Variants in WDSUB1 observed in about 807,000 individuals in gnomAD.
WDSUB1 encodes WD repeat, sterile alpha motif and U-box domain containing 1, also known as WD repeat, SAM and U-box domain-containing protein 1.
WDSUB1 carries 49 observed loss-of-function variants against 53.9 expected under a neutral mutation model. The ratio of observed to expected loss-of-function variants is 0.91; its 90% confidence interval spans 0.72 to 1.15. The LOEUF is 1.15. Among genes scored for constraint, WDSUB1 ranks in the 50% most tolerant of loss-of-function variants. The probability of loss-of-function intolerance (pLI) is 0.00; values close to 1 mark genes in which losing one functional copy is unlikely to be tolerated. For missense variants in WDSUB1, 514 were observed against 562.0 expected (o/e 0.91, Z 0.86); for synonymous variants, 194 against 200.6 (o/e 0.97, Z 0.28).
chr2:159,282,472 G>A (rs752491951), intron 2 of WDSUB1, among the ~76,000 whole-genome samples, 200 bp downstream of exon 2: 3 of 152,200 alleles, frequency 2.0e-5, no homozygotes, highest in Non-Finnish European at 4.4e-5. Context: ...GATTACACGC[G>A]TGAGCCACAG....
In WDSUB1 at chr2:159,257,862, T is replaced by C. The variant is rs755599493; in HGVS notation, c.848A>G (p.Tyr283Cys). 1.9e-6 allele frequency: 3 copies of C among 1,613,686 alleles called. No individual in the cohort carries two copies. The highest frequency in any genetic ancestry group is 2.7e-5 in the African/African-American group (2 of 74,932). ...ILHTLTQHTR[Y>C]VTTCAFAPNT... ...AGGTGCAAAAGCACAAGTTGTGACA[T>C]ACCTAGTTAATAAAAACAACTATTA... The change falls in exon 8 of 11, where the codon TAT becomes TGT. Residue 283 changes from tyrosine to cysteine, a missense_variant and splice_region_variant. Coordinates refer to ENST00000359774, the MANE Select transcript of WDSUB1 (RefSeq NM_001128212.3).
At chr2:159,271,208 A>G (rs1458050475) in intron 5 of WDSUB1, among the ~76,000 whole-genome samples, 1 of 152,240 alleles carries the variant, frequency 6.6e-6, no homozygotes, top group East Asian at 1.9e-4. Context: ...CTATGTACTT[A>G]TCTTACAGAA....
At chr2:159,265,447 C>A (rs550456015) in intron 5 of WDSUB1, among the ~76,000 whole-genome samples, 1 of 152,204 alleles carries the variant, frequency 6.6e-6, no homozygotes, top group East Asian at 1.9e-4. Flanking sequence ...CAAAGACTGA[C>A]CCGGCTAGGT....
rs376051242 is a variant in WDSUB1, at chr2:159,284,532, A to G, written c.-24-1439T>C. Among the ~76,000 whole-genome samples, 13 of 152,360 alleles carry G rather than the reference A, an allele frequency of 8.5e-5. No homozygotes were observed. The South Asian group carries it at 2.5e-3, about 29-fold the overall frequency. ...AAGTCTCATTGAAAATTTATTAATA[A>G]GTGACCATGTTGAAAGCTGTCCTAT... On this transcript the variant is annotated intron_variant, in intron 1 of 10. Coordinates refer to ENST00000359774, the MANE Select transcript of WDSUB1 (RefSeq NM_001128212.3).
At chr2:159,275,033 A>G (rs930439563) in intron 4 of WDSUB1, among the ~76,000 whole-genome samples, 2 of 152,202 alleles carry the variant, frequency 1.3e-5, no homozygotes, top group Non-Finnish European at 2.9e-5. Flanking sequence ...AATGTGGGGG[A>G]TAAAAAAAGA....
intron 4 of WDSUB1, among the ~76,000 whole-genome samples, chr2:159,272,770 C>T (rs1025729023): frequency 1.3e-5 from 2 of 152,188 alleles, no homozygotes; most frequent in South Asian, 2.1e-4. Flanking sequence ...GTAATTTACA[C>T]ATCTTGTAAT....
intron 9 of WDSUB1, among the ~76,000 whole-genome samples, chr2:159,249,251 A>G (rs1015328038): frequency 4.6e-5 from 7 of 152,238 alleles, no homozygotes; most frequent in African/African-American, 1.7e-4. Context: ...ATATTTGCTG[A>G]TTCTTGTAAG....
chr2:159,239,956 T>C (rs942680213), intron 10 of WDSUB1, among the ~76,000 whole-genome samples: 2 of 152,170 alleles, frequency 1.3e-5, no homozygotes, highest in Admixed American at 6.5e-5. Flanking sequence ...TGCCTTTTGC[T>C]CTTTTTGAGA....
At chr2:159,265,127 A>T (rs1287108887) in intron 5 of WDSUB1, among the ~76,000 whole-genome samples, 1 of 138,982 alleles carries the variant, frequency 7.2e-6, no homozygotes, top group Non-Finnish European at 1.5e-5. Context: ...CAACAACAAA[A>T]AAAAACAACT....
rs760832528 is a variant in WDSUB1, at chr2:159,282,945, A to C, written c.125T>G (p.Phe42Cys). 6.2e-7 allele frequency: 1 copy of C among 1,614,190 alleles called. No individual in the cohort carries two copies. Among genetic ancestry groups the C allele is most frequent in the South Asian group, 1.1e-5 (1 of 91,082 alleles). ...CAATGGAGAATGTGGCAGTTCAGTA[A>C]AGTCACGTAACGAGTACAGGCGAAT... ...KTIRLYSLRD[F>C]TELPHSPLKF... The change falls in exon 2 of 11, where the codon TTT becomes TGT. Residue 42 changes from phenylalanine to cysteine, a missense_variant. By Grantham distance (205) the Phe-to-Cys change is radical. Coordinates refer to ENST00000359774, the MANE Select transcript of WDSUB1 (RefSeq NM_001128212.3).
chr2:159,250,876 G>A (rs1207760768), intron 9 of WDSUB1, among the ~76,000 whole-genome samples: 3 of 152,094 alleles, frequency 2.0e-5, no homozygotes, highest in Non-Finnish European at 2.9e-5. Flanking sequence ...CACCTGGGTA[G>A]AGACATGGCT....
At chr2:159,283,377 A>G (rs2061719336) in intron 1 of WDSUB1, among the ~76,000 whole-genome samples, 1 of 152,126 alleles carries the variant, frequency 6.6e-6, no homozygotes. Context: ...TCGCAGGCGC[A>G]GTTCATAATA....
At chr2:159,275,450 CT>C in intron 4 of WDSUB1, 95 bp downstream of exon 4, 1 of 970,752 alleles carries the variant, frequency 1.0e-6, no homozygotes, top group Non-Finnish European at 1.5e-6. Context: ...TTAATACTTA[CT>C]TTTAGATACT....
intron 10 of WDSUB1, among the ~76,000 whole-genome samples, chr2:159,244,386 T>TTA (rs2060736111): frequency 8.5e-6 from 1 of 118,080 alleles, no homozygotes; most frequent in African/African-American, 2.7e-5. Flanking sequence ...TAACTGCTGA[T>TTA]AAAAAAAAAA....
At chr2:159,245,532 CAA>C (rs35025474) in intron 10 of WDSUB1, among the ~76,000 whole-genome samples, 9 of 131,348 alleles carry the variant, frequency 6.9e-5, no homozygotes, top group East Asian at 2.4e-4. Flanking sequence ...GACTCTGTCT[CAA>C]AAAAAAAAAA....
chr2:159,238,653 T>A (rs2060553522), intron 10 of WDSUB1, among the ~76,000 whole-genome samples: 1 of 152,274 alleles, frequency 6.6e-6, no homozygotes, highest in African/African-American at 2.4e-5. Flanking sequence ...TTCTGGATTT[T>A]AAACTTTTCC....
At chr2:159,273,882 A>G (rs1320125557) in intron 4 of WDSUB1, among the ~76,000 whole-genome samples, 1 of 152,164 alleles carries the variant, frequency 6.6e-6, no homozygotes, top group Non-Finnish European at 1.5e-5. Context: ...TATACACTAT[A>G]AACTAGGATA....
chr2:159,285,918 GT>G (rs1237881535), intron 1 of WDSUB1, among the ~76,000 whole-genome samples: 4 of 152,176 alleles, frequency 2.6e-5, no homozygotes, highest in Non-Finnish European at 5.9e-5. Context: ...AATCCCAGCT[GT>G]GCAAGTGCGC....
chr2:159,248,400 T>G lies in WDSUB1; in HGVS notation c.1245A>C (p.Glu415Asp). Reference sequence around the variant, plus strand: ...ATGCGATGACCGGATCTTTCATAAGTTCTCTAGTTATTGGACATATAAATT... The same window carrying G: ...ATGCGATGACCGGATCTTTCATAAGGTCTCTAGTTATTGGACATATAAATT... ...PDEFICPITR[E>D]LMKDPVIASD... Residue 415 changes from glutamate to aspartate, a missense_variant, in exon 10 of 11, where the codon GAA (glutamate) becomes GAC (aspartate). By Grantham distance (45) the Glu-to-Asp change is conservative (BLOSUM62 2). Transcript: ENST00000359774. 6.2e-7 allele frequency: 1 copy of G among 1,612,038 alleles called. No homozygotes were observed. The highest frequency in any genetic ancestry group is 8.5e-7 in the Non-Finnish European group (1 of 1,179,272).
Sources: allele counts gnomAD v4.1 joint callset (sites outside exome capture counted in the v4.1 genomes callset), GRCh38; gene constraint gnomAD v4.1.1; transcripts MANE v1.5; gene names NCBI Gene and HGNC (gene_info 2026-07-23, HGNC 2026-07-21).